FRYL: variants seen among roughly 807,000 people sequenced by gnomAD.
FRYL encodes the protein protein furry homolog-like.
A neutral mutation model predicts 351.2 loss-of-function variants in FRYL; 150 were observed. The observed-to-expected ratio is 0.43, with a 90% CI of 0.37 to 0.49. FRYL has a LOEUF of 0.49. Ranked by LOEUF, FRYL falls within the 20% of genes least tolerant of loss-of-function variation. The probability of loss-of-function intolerance (pLI) is 0.00; values close to 1 mark genes in which losing one functional copy is unlikely to be tolerated. For missense variants in FRYL, 3,036 were observed against 3,619.3 expected (o/e 0.84, Z 4.13); for synonymous variants, 1,153 against 1,257.1 (o/e 0.92, Z 1.75).
intron 1 of FRYL, among the ~76,000 whole-genome samples, chr4:48,763,453 C>T (rs1774621233): frequency 6.6e-6 from 1 of 152,000 alleles, no homozygotes; most frequent in African/African-American, 2.4e-5. Flanking sequence ...CAGAGTGTGA[C>T]CTTGTCTCTT....
chr4:48,609,817 C>A lies in FRYL; in HGVS notation c.418G>T (p.Val140Phe). The A allele has an allele frequency of 6.3e-7, 1 of 1,577,376 alleles. No individual in the cohort carries two copies. The highest frequency in any genetic ancestry group is 1.7e-5 in the Admixed American group (1 of 57,150). The change falls in exon 8 of 64, where the codon GTT becomes TTT. Residue 140 changes from valine (V) to phenylalanine (F), a missense_variant. By Grantham distance (50) the Val-to-Phe change is conservative. Coordinates refer to ENST00000358350, the MANE Select transcript of FRYL (RefSeq NM_015030.2). ...VLVEVLKQIP[V>F]HPVPDPLVHE... The stretch of plus-strand genomic sequence containing the variant: ...ACTAAGGGATCGGGTACAGGATGAA[C>A]AGGAATCTAGAATTTAAAAAAATTA...
At chr4:48,552,244 G>GGGGTGTGTGTGTGT (rs1171010678) in intron 36 of FRYL, among the ~76,000 whole-genome samples, 6 of 145,244 alleles carry the variant, frequency 4.1e-5, no homozygotes, top group African/African-American at 1.6e-4. Context: ...AGTCCAAAGG[G>GGGGTGTGTGTGTGT]GTGTGTGTGT....
intron 1 of FRYL, among the ~76,000 whole-genome samples, chr4:48,751,637 T>C (rs1773257983): frequency 6.6e-6 from 1 of 152,022 alleles, no homozygotes. Flanking sequence ...TTCATCCCAT[T>C]AACACAGAAA....
intron 40 of FRYL, 29 bp downstream of exon 40, chr4:48,548,661 T>C: frequency 8.5e-7 from 1 of 1,169,782 alleles, no homozygotes; most frequent in East Asian, 2.3e-5. Context: ...AAATATAACA[T>C]GAAAGAATTA....
chr4:48,680,444 G>A (rs1171707280), intron 3 of FRYL, among the ~76,000 whole-genome samples: 1 of 151,626 alleles, frequency 6.6e-6, no homozygotes, highest in Non-Finnish European at 1.5e-5. Flanking sequence ...ATTTACCTTT[G>A]CAGGATTACA....
chr4:48,642,946 G>A (rs933019282), intron 3 of FRYL, among the ~76,000 whole-genome samples: 3 of 152,078 alleles, frequency 2.0e-5, no homozygotes, highest in Non-Finnish European at 2.9e-5. Context: ...TTCCCTTCTA[G>A]CAAATGAACA....
chr4:48,557,086 C>A lies in FRYL; in HGVS notation c.4158G>T (p.Glu1386Asp). Residue 1386 changes from glutamate to aspartate, a missense_variant, in exon 35 of 64, where the codon GAG becomes GAT. Transcript: ENST00000358350. ...YGDELAWSEV[E>D]NVWTTLADGW... ...CATCTGCAAGTGTGGTCCACACATTCTCCACCTCCGACCAGGCCAGTTCAT... is the reference window on the plus strand; with the variant it reads ...CATCTGCAAGTGTGGTCCACACATTATCCACCTCCGACCAGGCCAGTTCAT... 1 of 1,605,180 alleles carries A rather than the reference C, an allele frequency of 6.2e-7. No homozygotes were observed. The highest frequency in any genetic ancestry group is 8.5e-7 in the Non-Finnish European group (1 of 1,175,662).
chr4:48,646,597 A>G (rs1412337412), intron 3 of FRYL, among the ~76,000 whole-genome samples: 1 of 152,242 alleles, frequency 6.6e-6, no homozygotes, highest in African/African-American at 2.4e-5. Context: ...TGACAATGCA[A>G]CTGCAAACAG....
intron 2 of FRYL, among the ~76,000 whole-genome samples, chr4:48,704,949 C>CAA (rs780894705): frequency 6.7e-4 from 34 of 50,548 alleles, no homozygotes; most frequent in African/African-American, 1.6e-3. Flanking sequence ...GACTCCGTCT[C>CAA]AAAAAAAAAA....
At chr4:48,565,829 G>A in intron 28 of FRYL, 138 bp from the exon 29 acceptor site, 1 of 798,400 alleles carries the variant, frequency 1.3e-6, no homozygotes, top group East Asian at 2.7e-5. Flanking sequence ...AACCTCCGCG[G>A]TAGCAGGGAT....
chr4:48,610,900 C>T (rs1399114848), intron 7 of FRYL, among the ~76,000 whole-genome samples: 1 of 150,444 alleles, frequency 6.6e-6, no homozygotes. Flanking sequence ...TTGAGGAGCC[C>T]CCTATTAATG....
At position 48,632,100 on chromosome 4, in the gene FRYL, A is replaced by ATATATATATATATATGTATG. The variant is rs1553957586; in HGVS notation, c.120+2190_120+2191insCATACATATATATATATATA. Reference sequence around the variant, plus strand: ...AAAAAAAAAAAAAAAAAATATATATATATATATATATATATATATATATAT... The same window carrying ATATATATATATATATGTATG: ...AAAAAAAAAAAAAAAAAATATATATATATATATATATATATGTATGTATATATATATATATATATATATAT... On this transcript the variant is annotated intron_variant, in intron 4 of 63. Coordinates refer to ENST00000358350, the MANE Select transcript of FRYL (RefSeq NM_015030.2). Among the ~76,000 whole-genome samples the ATATATATATATATATGTATG allele has an allele frequency of 4.5e-3, 132 of 29,252 alleles. 2 individuals are homozygous for ATATATATATATATATGTATG. Among genetic ancestry groups the ATATATATATATATATGTATG allele is most frequent in the Non-Finnish European group, 6.7e-3 (90 of 13,438 alleles). 19.2% of individuals were successfully genotyped at this position (29,252 alleles called of 152,430 possible). A position where few individuals can be genotyped will look rare whatever the true frequency, so the allele number is the denominator to read the frequency against.
chr4:48,722,908 T>A lies in FRYL; in HGVS notation c.-383-12210A>T, dbSNP rs377292769. Among the ~76,000 whole-genome samples the A allele has an allele frequency of 7.2e-5, 11 of 151,898 alleles. 1 individual carries two copies. The South Asian group carries it at 2.1e-3, about 29-fold the overall frequency. On this transcript the variant is annotated intron_variant, in intron 1 of 63. Transcript: ENST00000358350. ...TAATGGCTCACTGAGGACAGTGGAG[T>A]AGGAAATACTTCCAGCTTACACCAA...
chr4:48,600,840 T>G (rs1745547983), intron 13 of FRYL, among the ~76,000 whole-genome samples: 3 of 152,184 alleles, frequency 2.0e-5, no homozygotes, highest in Non-Finnish European at 2.9e-5. Flanking sequence ...ATTTCCTGGT[T>G]GCATGACATA....
chr4:48,540,741 A>G lies in FRYL; in HGVS notation c.5907T>C (p.His1969=). ...TLDIMDGRIN[H]SSSLARTRSL... ...TTCTAGTCCTTGCTAAACTACTGCT[A>G]TGGTTTATCCGTCCATCCATTATAT... The change falls in exon 46 of 64, where the codon CAT becomes CAC. Residue 1969 remains histidine (H), a synonymous_variant. Coordinates refer to ENST00000358350, the MANE Select transcript of FRYL (RefSeq NM_015030.2). The G allele has an allele frequency of 1.2e-6, 2 of 1,614,004 alleles. No homozygotes were observed. Among genetic ancestry groups the G allele is most frequent in the Non-Finnish European group, 1.7e-6 (2 of 1,179,918 alleles).
chr4:48,596,751 C>CA (rs1307997434), intron 13 of FRYL, among the ~76,000 whole-genome samples: 1 of 151,884 alleles, frequency 6.6e-6, no homozygotes, highest in Non-Finnish European at 1.5e-5. Flanking sequence ...TCAGTTATTC[C>CA]ATTTCAATTA....
chr4:48,516,400 T>C (rs1375184557), intron 55 of FRYL, among the ~76,000 whole-genome samples: 2 of 152,308 alleles, frequency 1.3e-5, no homozygotes, highest in African/African-American at 2.4e-5. Context: ...TCAAAGCATA[T>C]ATGATGATGG....
chr4:48,706,067 C>G (rs1367076924), intron 2 of FRYL, among the ~76,000 whole-genome samples: 1 of 152,172 alleles, frequency 6.6e-6, no homozygotes, highest in African/African-American at 2.4e-5. Context: ...AAACTTCTGA[C>G]CTCAGGTGAC....
At chr4:48,758,595 G>A (rs1774059435) in intron 1 of FRYL, among the ~76,000 whole-genome samples, 1 of 152,226 alleles carries the variant, frequency 6.6e-6, no homozygotes, top group South Asian at 2.1e-4. Flanking sequence ...GTGCTGGAGA[G>A]GATGTGGAGA....
Sources: allele counts gnomAD v4.1 joint callset (sites outside exome capture counted in the v4.1 genomes callset), GRCh38; gene constraint gnomAD v4.1.1; transcripts MANE v1.5; gene names NCBI Gene and HGNC (gene_info 2026-07-23, HGNC 2026-07-21).